DPH6: variants seen among roughly 807,000 people sequenced by gnomAD.
DPH6 encodes diphthine--ammonia ligase.
In DPH6, 33 loss-of-function variants were observed where a neutral mutation model predicts 38.2. That is an observed-to-expected ratio of 0.86 (90% CI 0.65 to 1.15). The LOEUF (loss-of-function observed/expected upper bound fraction) is 1.15. Ranked by LOEUF, DPH6 falls within the 50% of genes most tolerant of loss-of-function variation. The pLI is 0.00. For synonymous variants in DPH6, 108 were observed against 103.0 expected (o/e 1.05, Z -0.30); for missense variants, 325 against 320.0 (o/e 1.02, Z -0.12).
intron 7 of DPH6, among the ~76,000 whole-genome samples, chr15:35,377,945 C>T (rs2052803527): frequency 6.6e-6 from 1 of 151,592 alleles, no homozygotes; most frequent in Non-Finnish European, 1.5e-5. Context: ...TTATAGATGA[C>T]TGCAGTCTCG....
intron 3 of DPH6, among the ~76,000 whole-genome samples, chr15:35,302,106 A>C (rs1338984880): frequency 6.6e-6 from 1 of 152,224 alleles, no homozygotes; most frequent in Non-Finnish European, 1.5e-5. Context: ...TATAGAATAA[A>C]ACCATCATAT....
chr15:35,399,993 A>G (rs2053195591), intron 6 of DPH6, among the ~76,000 whole-genome samples: 1 of 152,210 alleles, frequency 6.6e-6, no homozygotes, highest in Non-Finnish European at 1.5e-5. Context: ...TATTATGAGC[A>G]CATGCTCCAA....
At chr15:35,464,287 T>C (rs953565020) in intron 3 of DPH6, among the ~76,000 whole-genome samples, 4 of 144,594 alleles carry the variant, frequency 2.8e-5, no homozygotes, top group African/African-American at 8.4e-5. Context: ...GGCAAGACTT[T>C]GTCTCAAAAA....
chr15:35,426,119 T>C (rs1427882692), intron 5 of DPH6, among the ~76,000 whole-genome samples: 1 of 151,524 alleles, frequency 6.6e-6, no homozygotes, highest in Admixed American at 6.6e-5. Flanking sequence ...TTAACTCTTT[T>C]TTTTTCTTAA....
chr15:35,534,377 CAAAAAA>C (rs55974798), intron 3 of DPH6, among the ~76,000 whole-genome samples: 1 of 104,218 alleles, frequency 9.6e-6, no homozygotes, highest in African/African-American at 3.6e-5. Flanking sequence ...AACTCTGTCT[CAAAAAA>C]AAAAAAAAAA....
intron 5 of DPH6, among the ~76,000 whole-genome samples, chr15:35,413,485 A>T (rs987431649): frequency 3.0e-4 from 46 of 151,782 alleles, no homozygotes; most frequent in African/African-American, 1.0e-3. Flanking sequence ...ACAAACTCAT[A>T]ATTTCTAAAA....
At chr15:35,478,359 C>A (rs1360948668) in intron 3 of DPH6, among the ~76,000 whole-genome samples, 5 of 101,014 alleles carry the variant, frequency 4.9e-5, no homozygotes, top group Admixed American at 2.7e-4. Flanking sequence ...ACACACATAC[C>A]CACACATACA....
intron 5 of DPH6, among the ~76,000 whole-genome samples, chr15:35,413,609 TGCTAA>T (rs2053397981): frequency 6.6e-6 from 1 of 151,690 alleles, no homozygotes; most frequent in Admixed American, 6.6e-5. Context: ...AGCTTTCTTT[TGCTAA>T]TATCTTTCTT....
In DPH6 at chr15:35,450,807, CAAAAGAAAAAGA is replaced by C; in HGVS notation, c.387-16_387-5del. ...CTGGAGATTAAGCCTTTTACACCTA[CAAAAGAAAAAGA>C]AAAAGAAAGTCAGATGATCTCTTAA... On this transcript the variant is annotated splice_polypyrimidine_tract_variant and splice_region_variant and intron_variant, in intron 4 of 8. Coordinates refer to ENST00000256538, the MANE Select transcript of DPH6 (RefSeq NM_080650.4). The C allele has an allele frequency of 3.8e-6, 6 of 1,580,766 alleles. No homozygotes were observed. Among genetic ancestry groups the C allele is most frequent in the Non-Finnish European group, 5.1e-6 (6 of 1,165,336 alleles).
the DPH6 span, among the ~76,000 whole-genome samples, chr15:35,149,758 C>T: frequency 6.6e-6 from 1 of 152,134 alleles, no homozygotes; most frequent in Non-Finnish European, 1.5e-5. Context: ...ATTTAATGAA[C>T]AATTAATCAG....
chr15:35,476,566 T>C (rs1322662421), intron 3 of DPH6, among the ~76,000 whole-genome samples: 6 of 151,854 alleles, frequency 4.0e-5, no homozygotes, highest in South Asian at 2.1e-4. Flanking sequence ...AAAGATTCTA[T>C]TTTTTTCTTC....
At chr15:35,197,846 T>A in the DPH6 span, among the ~76,000 whole-genome samples, 1 of 152,166 alleles carries the variant, frequency 6.6e-6, no homozygotes, top group Admixed American at 6.6e-5. Flanking sequence ...ATACTTTCAT[T>A]CTGGAAACAG....
chr15:35,297,192 G>T (rs1286833260), intron 3 of DPH6, among the ~76,000 whole-genome samples: 1 of 152,116 alleles, frequency 6.6e-6, no homozygotes, highest in East Asian at 1.9e-4. Context: ...CATAAAAAAA[G>T]TGCTATAATG....
At chr15:35,505,268 A>G (rs1236461362) in intron 3 of DPH6, among the ~76,000 whole-genome samples, 2 of 152,082 alleles carry the variant, frequency 1.3e-5, no homozygotes, top group Non-Finnish European at 2.9e-5. Flanking sequence ...GAAAAATGCA[A>G]CCAGAAAGCA....
chr15:35,380,110 T>A (rs143567927), intron 7 of DPH6, among the ~76,000 whole-genome samples: 73 of 152,320 alleles, frequency 4.8e-4, no homozygotes, highest in African/African-American at 1.5e-3. Flanking sequence ...ACAAGGTACA[T>A]ACCTGCGTGG....
Position 35,275,461 on chromosome 15 carries a change from A to G in DPH6, n.201-54879T>C, listed in dbSNP as rs112618931. On this transcript the variant is annotated intron_variant and non_coding_transcript_variant, in intron 3 of 3. Coordinates refer to the DPH6 transcript ENST00000560386. ...CAAACTAACACAGGAACAGAAAACC[A>G]TACACCACGTTTTTTCACACATAAG... Among the ~76,000 whole-genome samples the G allele has an allele frequency of 3.8e-3, 572 of 152,266 alleles. 9 individuals are homozygous for G. Among genetic ancestry groups the G allele is most frequent in the African/African-American group, 0.013 (525 of 41,544 alleles).
intron 1 of DPH6, among the ~76,000 whole-genome samples, chr15:35,543,264 ATATATATATATAT>A (rs2055291970): frequency 3.2e-4 from 3 of 9,470 alleles, no homozygotes; most frequent in Non-Finnish European, 1.3e-3. Flanking sequence ...CACATAATAT[ATATATATATATAT>A]ATATATATAT....
chr15:35,273,563 C>G (rs1006759171), intron 3 of DPH6, among the ~76,000 whole-genome samples: 1 of 152,204 alleles, frequency 6.6e-6, no homozygotes, highest in African/African-American at 2.4e-5. Flanking sequence ...AGCAAAGTCT[C>G]AGGATACAAA....
rs1392610348 is a variant in DPH6 at position 35,280,512 on chromosome 15, T to C, written n.201-59930A>G. ...GAGAATATACTGATAACTGAGACAA[T>C]AGCATAGAATTATTCATATTGTGCA... On this transcript the variant is annotated intron_variant and non_coding_transcript_variant, in intron 3 of 3. Coordinates refer to the DPH6 transcript ENST00000560386. Among the ~76,000 whole-genome samples, 12 of 152,124 alleles carry C rather than the reference T, an allele frequency of 7.9e-5. 1 individual carries two copies. Among genetic ancestry groups the C allele is most frequent in the Admixed American group, 3.9e-4 (6 of 15,258 alleles).
Sources: gnomAD v4.1 joint callset for allele counts (sites outside exome capture counted in the v4.1 genomes callset) on GRCh38, gnomAD v4.1.1 for gene constraint, MANE v1.5 for transcripts, NCBI Gene and HGNC (gene_info 2026-07-23, HGNC 2026-07-21) for gene names.